CCDC171: variants seen among roughly 807,000 people sequenced by gnomAD.
CCDC171 encodes the protein coiled-coil domain containing 171, also known as coiled-coil domain-containing protein 171.
In CCDC171, 177 loss-of-function variants were observed where a neutral mutation model predicts 168.2. That is an observed-to-expected ratio of 1.05 (90% CI 0.93 to 1.19). The LOEUF is 1.19. CCDC171 is among the 50% of genes most tolerant of loss of function. The pLI is 0.00. For missense variants in CCDC171, 1,991 were observed against 1,539.0 expected (o/e 1.29, Z -4.91); for synonymous variants, 687 against 540.8 (o/e 1.27, Z -3.75).
At chr9:15,982,730 G>A (rs1003212621) in intron 3 of CCDC171, among the ~76,000 whole-genome samples, 15 of 152,060 alleles carry the variant, frequency 9.9e-5, no homozygotes, top group African/African-American at 3.4e-4. Flanking sequence ...ACCCAGGCAT[G>A]GTCACTTTAG....
chr9:15,835,798 TAA>T (rs1489217432), intron 21 of CCDC171, among the ~76,000 whole-genome samples: 2 of 152,190 alleles, frequency 1.3e-5, no homozygotes, highest in East Asian at 1.9e-4. Context: ...TAACAAGAAA[TAA>T]GTGTTGTCAT....
intron 18 of CCDC171, among the ~76,000 whole-genome samples, chr9:15,757,843 C>A (rs534244919): frequency 9.7e-4 from 148 of 152,146 alleles, no homozygotes; most frequent in Non-Finnish European, 1.8e-3. Context: ...GGTGCAAGCC[C>A]CAAGCCTTGG....
chr9:15,601,408 C>G (rs2042841737), intron 6 of CCDC171, among the ~76,000 whole-genome samples: 2 of 152,156 alleles, frequency 1.3e-5, no homozygotes, highest in South Asian at 4.1e-4. Flanking sequence ...TTGTGCAGTG[C>G]TTTTCTTCCC....
At position 15,728,602 on chromosome 9, in the gene CCDC171, T is replaced by G. The variant is rs538273708; in HGVS notation, c.1860+566T>G. Among the ~76,000 whole-genome samples, 20 of 152,282 alleles carry G rather than the reference T, an allele frequency of 1.3e-4. 1 individual carries two copies. The South Asian group carries it at 1.9e-3, about 14-fold the overall frequency. The stretch of plus-strand genomic sequence containing the variant: ...TTTTATAGGAGAATATAGTAGACCT[T>G]TATGGTAACATTACTATCTCACAAG... On this transcript the variant is annotated intron_variant, in intron 15 of 25. Transcript: ENST00000380701.
At chr9:15,939,032 T>G (rs987841931) in intron 25 of CCDC171, among the ~76,000 whole-genome samples, 2 of 151,596 alleles carry the variant, frequency 1.3e-5, no homozygotes, top group African/African-American at 4.8e-5. Flanking sequence ...ATATTATAGA[T>G]TCTTATGATT....
intron 24 of CCDC171, among the ~76,000 whole-genome samples, chr9:15,905,775 G>A (rs1400636188): frequency 1.3e-5 from 2 of 152,064 alleles, no homozygotes; most frequent in African/African-American, 4.8e-5. Context: ...TAGACTGCTA[G>A]CAAGACTAAT....
At chr9:15,585,147 G>A (rs1482386905) in intron 4 of CCDC171, among the ~76,000 whole-genome samples, 1 of 152,154 alleles carries the variant, frequency 6.6e-6, no homozygotes, top group Non-Finnish European at 1.5e-5. Flanking sequence ...GTTAATGGGA[G>A]TGTAAAATGA....
chr9:16,105,136 AAATGC>A, the CCDC171 span, among the ~76,000 whole-genome samples: 1 of 152,254 alleles, frequency 6.6e-6, no homozygotes, highest in Non-Finnish European at 1.5e-5. Flanking sequence ...TACAGACTTC[AAATGC>A]AACACATCCT....
intron 21 of CCDC171, among the ~76,000 whole-genome samples, chr9:15,798,596 A>C (rs2058669257): frequency 6.6e-6 from 1 of 152,106 alleles, no homozygotes; most frequent in South Asian, 2.1e-4. Flanking sequence ...AGCCTATTAG[A>C]TCAGGAATCA....
rs554262140 is a variant in CCDC171 at position 15,649,963 on chromosome 9, G to C, written c.823-7164G>C. The stretch of plus-strand genomic sequence containing the variant: ...ACACAGGCACACGTATGTTTATTGC[G>C]GCACTATTCACAATAGCAAAGACTT... On this transcript the variant is annotated intron_variant, in intron 7 of 25. Transcript: ENST00000380701. Among the ~76,000 whole-genome samples, 4 of 152,122 alleles carry C rather than the reference G, an allele frequency of 2.6e-5. No individual in the cohort carries two copies. In the East Asian group the frequency reaches 5.8e-4, roughly 22 times the overall value.
chr9:15,867,883 A>C (rs1234007997), intron 23 of CCDC171, among the ~76,000 whole-genome samples: 1 of 152,050 alleles, frequency 6.6e-6, no homozygotes, highest in African/African-American at 2.4e-5. Context: ...TCAAGGTCAA[A>C]GCACTCTGTG....
chr9:15,967,896 G>A (rs935411082), intron 25 of CCDC171, among the ~76,000 whole-genome samples: 3 of 152,154 alleles, frequency 2.0e-5, no homozygotes, highest in African/African-American at 4.8e-5. Flanking sequence ...AGCCTTGGTC[G>A]GCAAAAAGGC....
At chr9:15,600,800 G>A (rs972859925) in intron 6 of CCDC171, among the ~76,000 whole-genome samples, 4 of 152,134 alleles carry the variant, frequency 2.6e-5, no homozygotes, top group African/African-American at 4.8e-5. Flanking sequence ...CGAGCTTCCC[G>A]GCCACTTTGT....
At position 15,623,465 on chromosome 9, in the gene CCDC171, G is replaced by GCGCGCGCGCGCGCA. The variant is rs764237918; in HGVS notation, c.822+63_822+64insGCACGCGCGCGCGC. ...TATATGCGTACAAACTTTCACATAT[G>GCGCGCGCGCGCGCA]CGCGCGCGCGCACACACACACACAC... On this transcript the variant is annotated intron_variant, in intron 7 of 25. Coordinates refer to ENST00000380701, the MANE Select transcript of CCDC171 (RefSeq NM_173550.4). 10 of 552,322 alleles carry GCGCGCGCGCGCGCA rather than the reference G, an allele frequency of 1.8e-5. No homozygotes were observed. In the East Asian group the frequency reaches 3.9e-4, roughly 22 times the overall value. The allele number at this position is 552,322 out of a possible 1,614,324, so 34.2% of individuals were successfully genotyped here. A position where few individuals can be genotyped will look rare whatever the true frequency, so the allele number is the denominator to read the frequency against.
chr9:15,613,709 G>C (rs1432120147), intron 6 of CCDC171, among the ~76,000 whole-genome samples: 1 of 151,906 alleles, frequency 6.6e-6, no homozygotes, highest in Non-Finnish European at 1.5e-5. Flanking sequence ...ATTTTTAGTA[G>C]AGACAGGGTT....
In CCDC171 at chr9:15,973,025, CTG is replaced by C. The variant is rs1209226968; in HGVS notation, c.*1191_*1192del. On this transcript the variant is annotated 3_prime_UTR_variant, in exon 26 of 26. Coordinates refer to ENST00000380701, the MANE Select transcript of CCDC171 (RefSeq NM_173550.4). ...GTTCTGTTGGGTATCGCTAGACAGA[CTG>C]TTCTTTATCGCCTTCAGAAGATCAG... is the stretch of plus-strand genomic sequence containing the variant. The C allele has an allele frequency of 6.6e-6, 1 of 152,162 alleles. No individual in the cohort carries two copies. Among genetic ancestry groups the C allele is most frequent in the Admixed American group, 6.6e-5 (1 of 15,260 alleles). The allele number at this position is 152,162 out of a possible 1,614,324, so 9.4% of individuals were successfully genotyped here.
At chr9:16,087,156 G>A in the CCDC171 span, among the ~76,000 whole-genome samples, 2 of 152,034 alleles carry the variant, frequency 1.3e-5, no homozygotes. Context: ...CCAATTATGT[G>A]GTCAATTTTA....
chr9:15,919,833 T>C (rs1476978843), intron 24 of CCDC171, among the ~76,000 whole-genome samples: 2 of 151,638 alleles, frequency 1.3e-5, no homozygotes, highest in African/African-American at 4.8e-5. Context: ...TCCTTTTGTT[T>C]CAAAACATTT....
At chr9:16,065,604 GTTTGAGGCAGAGGATTAGACCAGGTAT>G (rs1438072346), downstream of CCDC171, among the ~76,000 whole-genome samples, 3 of 152,172 alleles carry the variant, frequency 2.0e-5, no homozygotes, top group African/African-American at 7.2e-5. Flanking sequence ...CTGACACACA[GTTTGAGGCAGAGGATTAGACCAGGTAT>G]TTGTCTTTGG....
Sources: gnomAD v4.1 joint callset for allele counts (sites outside exome capture counted in the v4.1 genomes callset) on GRCh38, gnomAD v4.1.1 for gene constraint, MANE v1.5 for transcripts, NCBI Gene and HGNC (gene_info 2026-07-23, HGNC 2026-07-21) for gene names.